Variants in TBX3 observed in about 807,000 individuals in gnomAD.
TBX3 encodes the protein T-box transcription factor TBX3.
Under a neutral mutation model 47.8 loss-of-function variants are expected in TBX3, and 11 were observed. The ratio of observed to expected loss-of-function variants is 0.23; its 90% CI spans 0.14 to 0.38. The LOEUF (loss-of-function observed/expected upper bound fraction) is 0.38. Among genes scored for constraint, TBX3 ranks in the 10% least tolerant of loss-of-function variants. TBX3 has a pLI of 1.00. For synonymous variants in TBX3, 500 were observed against 449.3 expected, an observed-to-expected ratio of 1.11 and a Z score of -1.43; for missense variants, 927 against 1,022.8, an observed-to-expected ratio of 0.91 and a Z score of 1.28.
chr12:114,671,468 G>C lies in TBX3; in HGVS notation c.*373C>G. ...TTTTGTTTCCACTTGACACAGTGAA[G>C]GAAAAATATATATATAAATCCGCAC... On this transcript the variant is annotated 3_prime_UTR_variant, in exon 7 of 7. Transcript: ENST00000349155. The C allele has an allele frequency of 6.3e-6, 2 of 318,382 alleles. No individual in the cohort carries two copies. The highest frequency in any genetic ancestry group is 1.2e-5 in the Non-Finnish European group (2 of 172,152). The allele number at this position is 318,382 out of a possible 1,614,324, so 19.7% of individuals were successfully genotyped here.
In TBX3 at chr12:114,670,673, A is replaced by T. The variant is rs1008494025; in HGVS notation, c.*1168T>A. 3 of 212,088 alleles carry T rather than the reference A, an allele frequency of 1.4e-5. No homozygotes were observed. The highest frequency in any genetic ancestry group is 6.8e-5 in the African/African-American group (3 of 44,306). The allele number at this position is 212,088 out of a possible 1,614,324, so 13.1% of individuals were successfully genotyped here. On this transcript the variant is annotated 3_prime_UTR_variant, in exon 7 of 7. Transcript: ENST00000349155. ...ATAGCACTTTCCCCCACTTTTGGAC[A>T]TTAAAAAAGAAAACAAAAATGTTGC...
At chr12:114,682,272 A>G (rs903927171) in intron 1 of TBX3, among the ~76,000 whole-genome samples, 2 of 152,190 alleles carry the variant, frequency 1.3e-5, no homozygotes, top group Non-Finnish European at 2.9e-5. Context: ...AGTGTGGGCA[A>G]ACAAACCAAA....
At chr12:114,675,547 CTATTT>C (rs1868668991) in intron 5 of TBX3, among the ~76,000 whole-genome samples, 1 of 152,006 alleles carries the variant, frequency 6.6e-6, no homozygotes, top group South Asian at 2.1e-4. Context: ...AAAAGGGATC[CTATTT>C]TATGTTTAAA....
At chr12:114,675,277 A>G (rs1345615214) in intron 5 of TBX3, among the ~76,000 whole-genome samples, 1 of 152,214 alleles carries the variant, frequency 6.6e-6, no homozygotes, top group African/African-American at 2.4e-5. Context: ...AAATCAGTGA[A>G]TGACAGAGAG....
At chr12:114,679,841 C>T in intron 2 of TBX3, 190 bp from the exon 3 acceptor site, 1 of 1,572,950 alleles carries the variant, frequency 6.4e-7, no homozygotes, top group South Asian at 1.1e-5. Flanking sequence ...ATCCAAATTG[C>T]TCCTCAGTTG....
Position 114,681,051 on chromosome 12 carries a change from C to T in TBX3, c.485G>A (p.Arg162His), listed in dbSNP as rs1565861840. The change falls in exon 2 of 7, where the codon CGT (arginine) becomes CAT (histidine). Residue 162 changes from arginine to histidine, a missense_variant. Arg to His is a conservative substitution (Grantham distance 29, BLOSUM62 0). Coordinates refer to ENST00000349155, the MANE Select transcript of TBX3 (RefSeq NM_005996.4). ...CCACCGAGAATTGTGAAATTTATAA[C>T]GACAGTCATCAGCAGCTATAATGTC... ...LMDIIAADDCRYKFHNSRWMV... is the reference protein window; with the variant it reads ...LMDIIAADDCHYKFHNSRWMV... The T allele has an allele frequency of 1.2e-6, 2 of 1,613,638 alleles. No individual in the cohort carries two copies. The highest frequency in any genetic ancestry group is 1.7e-6 in the Non-Finnish European group (2 of 1,179,990).
Position 114,672,215 on chromosome 12 carries a change from A to AGGCTGCCGCAGAGGAGGC in TBX3, c.1780_1797dup (p.Ala594_Ala599dup). The stretch of plus-strand genomic sequence containing the variant: ...AAGGGGTGGCGGTGCACCGAGCTGG[A>AGGCTGCCGCAGAGGAGGC]GGCTGCCGCAGAGGAGGCGGCCGCC... On this transcript the variant is annotated inframe_insertion, in exon 7 of 7. Coordinates refer to ENST00000349155, the MANE Select transcript of TBX3 (RefSeq NM_005996.4). 3 of 1,572,876 alleles carry AGGCTGCCGCAGAGGAGGC rather than the reference A, an allele frequency of 1.9e-6. No individual in the cohort carries two copies. Among genetic ancestry groups the AGGCTGCCGCAGAGGAGGC allele is most frequent in the Non-Finnish European group, 2.6e-6 (3 of 1,159,904 alleles).
At position 114,672,150 on chromosome 12, in the gene TBX3, G is replaced by A. The variant is rs1868472790; in HGVS notation, c.1863C>T (p.Ser621=). The A allele has an allele frequency of 1.7e-5, 26 of 1,572,736 alleles. No individual in the cohort carries two copies. The highest frequency in any genetic ancestry group is 2.2e-5 in the Non-Finnish European group (26 of 1,159,698). The change falls in exon 7 of 7, where the codon AGC becomes AGT. Residue 621 remains serine, a synonymous_variant. Coordinates refer to ENST00000349155, the MANE Select transcript of TBX3 (RefSeq NM_005996.4). ...LNTMRPRLRY[S]PYSIPVPVPD... is the part of the protein sequence containing the mutation. ...GGACCGGCACCGGGATGGAGTAGGGGCTGTAGCGCAGCCGCGGGCGCATGG... is the reference window on the plus strand; with the variant it reads ...GGACCGGCACCGGGATGGAGTAGGGACTGTAGCGCAGCCGCGGGCGCATGG...
chr12:114,674,638 G>C lies in TBX3; in HGVS notation c.1237C>G (p.Pro413Ala), dbSNP rs540908799. The C allele has an allele frequency of 5.6e-6, 9 of 1,606,670 alleles. No homozygotes were observed. The highest frequency in any genetic ancestry group is 2.2e-5 in the South Asian group (2 of 90,572). ...GTGGCGGGGCTATGGCGTGAGTCGG[G>C]CGACGCTTTGTCCAGCCGCCCGCTG... is the stretch of plus-strand genomic sequence containing the variant. ...RDSGRLDKAS[P>A]DSRHSPATIS... The change falls in exon 6 of 7, where the codon CCC becomes GCC. Residue 413 changes from proline (P) to alanine (A), a missense_variant. By Grantham distance (27) the Pro-to-Ala change is conservative (BLOSUM62 -1). This residue lies in a region of TBX3 where 623 missense variants were observed against 569.0 expected (regional missense o/e 1.09). Coordinates refer to ENST00000349155, the MANE Select transcript of TBX3 (RefSeq NM_005996.4).
At position 114,683,087 on chromosome 12, in the gene TBX3, C is replaced by T. The variant is rs763066174; in HGVS notation, c.114G>A (p.Pro38=). 7.5e-6 allele frequency: 12 copies of T among 1,610,648 alleles called. No individual in the cohort carries two copies. Among genetic ancestry groups the T allele is most frequent in the Admixed American group, 1.7e-5 (1 of 59,926 alleles). Residue 38 remains proline, a synonymous_variant, in exon 1 of 7, where the codon CCG becomes CCA. Transcript: ENST00000349155. The surrounding 1 kb of genome is among the most constrained non-coding windows in gnomAD (Gnocchi z 7.7). The stretch of plus-strand genomic sequence containing the variant: ...GCAGCGTCAGCGCGGGGAAGAACGG[C>T]GGCTGGTGACCCAGCACCGCGCTCA... ...FAMSAVLGHQ[P]PFFPALTLPP... is the part of the protein sequence containing the mutation.
chr12:114,675,754 C>CACCT (rs1868683223), intron 5 of TBX3, among the ~76,000 whole-genome samples: 5 of 151,900 alleles, frequency 3.3e-5, no homozygotes, highest in Admixed American at 3.3e-4. Context: ...ACTCCTCACC[C>CACCT]ACCTCCCCCA....
Position 114,683,304 on chromosome 12 carries a change from G to A in TBX3, c.-104C>T. The A allele has an allele frequency of 6.8e-7, 1 of 1,474,344 alleles. No individual in the cohort carries two copies. Among genetic ancestry groups the A allele is most frequent in the South Asian group, 1.3e-5 (1 of 79,852 alleles). The allele number at this position is 1,474,344 out of a possible 1,614,324, so 91.3% of individuals were successfully genotyped here. A position where few individuals can be genotyped will look rare whatever the true frequency, so the allele number is the denominator to read the frequency against. On this transcript the variant is annotated 5_prime_UTR_variant, in exon 1 of 7. Coordinates refer to ENST00000349155, the MANE Select transcript of TBX3 (RefSeq NM_005996.4). The surrounding 1 kb of genome is among the most constrained non-coding windows in gnomAD (Gnocchi z 7.7). ...TAACAGCAGCACATAATTCAAAAGG[G>A]GGGAAAAAGCAAAACAAAAAAGAAA...
At chr12:114,673,292 CG>C (rs1156638772) in intron 6 of TBX3, among the ~76,000 whole-genome samples, 1 of 152,172 alleles carries the variant, frequency 6.6e-6, no homozygotes, top group Non-Finnish European at 1.5e-5. Context: ...GGAGACCAGA[CG>C]AATGTGCTCA....
intron 6 of TBX3, among the ~76,000 whole-genome samples, chr12:114,673,418 C>T (rs1039594680): frequency 6.6e-6 from 1 of 152,230 alleles, no homozygotes; most frequent in African/African-American, 2.4e-5. Flanking sequence ...CACACACAGG[C>T]CTCCAGGCCT....
intron 6 of TBX3, among the ~76,000 whole-genome samples, chr12:114,673,293 G>A (rs148786951): frequency 2.6e-5 from 4 of 152,320 alleles, no homozygotes; most frequent in East Asian, 1.9e-4. Flanking sequence ...GAGACCAGAC[G>A]AATGTGCTCA....
At chr12:114,679,450 C>T in intron 3 of TBX3, 55 bp downstream of exon 3, 2 of 1,611,918 alleles carry the variant, frequency 1.2e-6, no homozygotes, top group South Asian at 2.2e-5. Flanking sequence ...CTTAAAGCAG[C>T]TTTTAAGGGG....
intron 3 of TBX3, among the ~76,000 whole-genome samples, chr12:114,678,907 C>G (rs1868815952): frequency 6.6e-6 from 1 of 152,034 alleles, no homozygotes; most frequent in African/African-American, 2.4e-5. Context: ...CACCCCAACT[C>G]AAAAGCCTCA....
chr12:114,674,919 T>C (rs1460452955), intron 5 of TBX3, 84 bp from the exon 6 acceptor site: 37 of 1,516,912 alleles, frequency 2.4e-5, no homozygotes, highest in Non-Finnish European at 3.1e-5. Context: ...CAAGTTGGAA[T>C]CCCAGCTCGT....
At chr12:114,672,567 T>C (rs1025018418) in intron 6 of TBX3, among the ~76,000 whole-genome samples, 5 of 151,750 alleles carry the variant, frequency 3.3e-5, no homozygotes, top group Non-Finnish European at 7.4e-5. Context: ...AGCTTCCTTA[T>C]AGGAAGAAAA....
Sources: allele counts gnomAD v4.1 joint callset (sites outside exome capture counted in the v4.1 genomes callset), GRCh38; gene constraint gnomAD v4.1.1; regional missense constraint gnomAD v4.1.1; non-coding constraint Gnocchi (gnomAD v3.1); transcripts MANE v1.5; gene names NCBI Gene and HGNC (gene_info 2026-07-23, HGNC 2026-07-21).